Variants in TTR observed in about 807,000 individuals in gnomAD.
TTR encodes epididymis luminal protein 111.
A neutral mutation model predicts 13.7 loss-of-function variants in TTR; 8 were observed. That is an observed-to-expected ratio of 0.58 (90% CI 0.34 to 1.05). TTR has a LOEUF of 1.05. TTR is among the 50% of genes least tolerant of loss of function. TTR has a pLI of 0.02. For synonymous variants in TTR, 75 were observed against 71.7 expected, an observed-to-expected ratio of 1.05 and a Z score of -0.23; for missense variants, 135 against 185.5, an observed-to-expected ratio of 0.73 and a Z score of 1.58.
In TTR at chr18:31,598,806, A is replaced by G. The variant is rs1249661142; in HGVS notation, c.*131A>G. ...GAAGTCCAGGCAGAGACAATAAAAC[A>G]TTCCTGTGAAAGGCACTTTTCATTC... is the stretch of plus-strand genomic sequence containing the variant. On this transcript the variant is annotated 3_prime_UTR_variant, in exon 4 of 4. Coordinates refer to ENST00000237014, the MANE Select transcript of TTR (RefSeq NM_000371.4). 9 of 959,788 alleles carry G rather than the reference A, an allele frequency of 9.4e-6. No individual in the cohort carries two copies. The highest frequency in any genetic ancestry group is 1.5e-5 in the Non-Finnish European group (9 of 619,880). 59.5% of individuals were successfully genotyped at this position (959,788 alleles called of 1,614,324 possible). A position where few individuals can be genotyped will look rare whatever the true frequency, so the allele number is the denominator to read the frequency against.
intron 3 of TTR, 56 bp downstream of exon 3, chr18:31,595,311 C>T: frequency 6.2e-7 from 1 of 1,608,714 alleles, no homozygotes; most frequent in Middle Eastern, 1.7e-4. Flanking sequence ...TTTTGGCATT[C>T]CAGGAAATGC....
chr18:31,596,007 T>C lies in TTR; in HGVS notation c.336+752T>C, dbSNP rs78118372. 209 of 157,026 alleles carry C rather than the reference T, an allele frequency of 1.3e-3. 2 individuals carry two copies. The East Asian group carries it at 0.038, about 29-fold the overall frequency. 9.7% of individuals were successfully genotyped at this position (157,026 alleles called of 1,614,324 possible). The stretch of plus-strand genomic sequence containing the variant: ...CCTCGCATTATGCCCCAGGAAACTT[T>C]TTCCCTTGTGAAAGCCAAGCTTAAA... On this transcript the variant is annotated intron_variant, in intron 3 of 3. Coordinates refer to ENST00000237014, the MANE Select transcript of TTR (RefSeq NM_000371.4).
At chr18:31,595,051 G>C in intron 2 of TTR, 69 bp from the exon 3 acceptor site, 1 of 1,531,696 alleles carries the variant, frequency 6.5e-7, no homozygotes, top group Non-Finnish European at 9.0e-7. Flanking sequence ...AGTTGGTGGG[G>C]GTGTATTACT....
In TTR at chr18:31,595,234, C is replaced by A. The variant is rs11541787; in HGVS notation, c.315C>A (p.Ser105=). 5.0e-6 allele frequency: 8 copies of A among 1,614,006 alleles called. No individual in the cohort carries two copies. The Admixed American group carries it at 1.3e-4, about 27-fold the overall frequency. Residue 105 remains serine, a synonymous_variant, in exon 3 of 4, where the codon TCC becomes TCA. Transcript: ENST00000237014. The stretch of plus-strand genomic sequence containing the variant: ...CTTACTGGAAGGCACTTGGCATCTC[C>A]CCATTCCATGAGCATGCAGAGGTGA... ...TKSYWKALGI[S]PFHEHAEVVF... is the part of the protein sequence containing the mutation.
intron 3 of TTR, among the ~76,000 whole-genome samples, chr18:31,596,864 T>C (rs911720600): frequency 2.6e-5 from 4 of 151,994 alleles, no homozygotes; most frequent in Non-Finnish European, 4.4e-5. Context: ...GAGAGATGAG[T>C]CCCAATGCCT....
intron 2 of TTR, among the ~76,000 whole-genome samples, chr18:31,594,201 G>T (rs887940247): frequency 6.6e-6 from 1 of 152,020 alleles, no homozygotes. Flanking sequence ...AGTCAGTAAA[G>T]ACAACTGCTA....
rs730881171 is a variant in TTR, at chr18:31,595,215, G to A, written c.296G>A (p.Trp99Ter). 1 of 1,614,174 alleles carries A rather than the reference G, an allele frequency of 6.2e-7. No individual in the cohort carries two copies. The highest frequency in any genetic ancestry group is 8.5e-7 in the Non-Finnish European group (1 of 1,180,024). The change falls in exon 3 of 4, where the codon TGG becomes TAG. Residue 99 changes from tryptophan to a stop codon, truncating the protein, a stop_gained. Coordinates refer to ENST00000237014, the MANE Select transcript of TTR (RefSeq NM_000371.4). LOFTEE classifies it high-confidence loss of function. ...YKVEIDTKSYWKALGISPFHE... is the reference protein window; with the variant it reads ...YKVEIDTKSY ...GTGGAAATAGACACCAAATCTTACTGGAAGGCACTTGGCATCTCCCCATTC... is the reference window on the plus strand; with the variant it reads ...GTGGAAATAGACACCAAATCTTACTAGAAGGCACTTGGCATCTCCCCATTC...
rs11081703 is a variant in TTR at position 31,592,973 on chromosome 18, C to A, written c.147C>A (p.Ala49=). The part of the protein sequence containing the change: ...AVRGSPAINV[A]VHVFRKAADD... Reference sequence around the variant, plus strand: ...GAGGCAGTCCTGCCATCAATGTGGCCGTGCATGTGTTCAGAAAGGCTGCTG... The same window carrying A: ...GAGGCAGTCCTGCCATCAATGTGGCAGTGCATGTGTTCAGAAAGGCTGCTG... Residue 49 remains alanine (A), a synonymous_variant, in exon 2 of 4, where the codon GCC becomes GCA. Coordinates refer to ENST00000237014, the MANE Select transcript of TTR (RefSeq NM_000371.4). The A allele has an allele frequency of 6.2e-6, 10 of 1,614,070 alleles. No individual in the cohort carries two copies. The East Asian group carries it at 2.2e-4, about 36-fold the overall frequency.
At chr18:31,598,358 C>A (rs2073526902) in intron 3 of TTR, 1 of 682,736 alleles carries the variant, frequency 1.5e-6, no homozygotes, top group South Asian at 1.5e-5. Flanking sequence ...CAAGACCTGA[C>A]TCTGTACTCC....
rs1390490497 is a variant in TTR at position 31,591,953 on chromosome 18, G to A, written c.51G>A (p.Val17=). The A allele has an allele frequency of 1.9e-6, 3 of 1,614,004 alleles. No individual in the cohort carries two copies. Among genetic ancestry groups the A allele is most frequent in the Non-Finnish European group, 2.5e-6 (3 of 1,180,032 alleles). ...LLLCLAGLVF[V]SEAGPTGTGE... is the part of the protein sequence containing the mutation. ...TCTGCCTTGCTGGACTGGTATTTGT[G>A]TCTGAGGCTGGCCCTACGGTGAGTG... The change falls in exon 1 of 4, where the codon GTG becomes GTA. Residue 17 remains valine (V), a synonymous_variant. Transcript: ENST00000237014.
rs762331112 is a variant in TTR, at chr18:31,592,855, A to G, written c.70-41A>G. ...ACAAAGAATAAATCCTTTCACTCTGATCAATTTTGTTAACTTCTCACGTGT... is the reference window on the plus strand; with the variant it reads ...ACAAAGAATAAATCCTTTCACTCTGGTCAATTTTGTTAACTTCTCACGTGT... On this transcript the variant is annotated intron_variant, in intron 1 of 3. Transcript: ENST00000237014. 3.1e-6 allele frequency: 5 copies of G among 1,611,954 alleles called. No homozygotes were observed. The South Asian group carries it at 5.5e-5, about 18-fold the overall frequency.
At chr18:31,597,806 G>A (rs1278026082) in intron 3 of TTR, among the ~76,000 whole-genome samples, 1 of 152,138 alleles carries the variant, frequency 6.6e-6, no homozygotes, top group Non-Finnish European at 1.5e-5. Context: ...TGACAGAACT[G>A]TGTGACTATC....
intron 2 of TTR, 76 bp downstream of exon 2, chr18:31,593,102 C>T: frequency 1.9e-6 from 3 of 1,595,866 alleles, no homozygotes; most frequent in African/African-American, 1.3e-5. Flanking sequence ...GAGAGAGGCT[C>T]ACATCATCTG....
chr18:31,592,016 C>A, intron 1 of TTR, 45 bp downstream of exon 1: 1 of 1,599,492 alleles, frequency 6.3e-7, no homozygotes, highest in South Asian at 1.1e-5. Context: ...AAGATTCACG[C>A]TAAATGAAGT....
At chr18:31,595,027 T>C in intron 2 of TTR, 93 bp from the exon 3 acceptor site, 1 of 1,331,006 alleles carries the variant, frequency 7.5e-7, no homozygotes, top group South Asian at 1.2e-5. Flanking sequence ...GTTTATAACA[T>C]GTTTATGTGT....
chr18:31,595,142 C>G lies in TTR; in HGVS notation c.223C>G (p.Leu75Val). The change falls in exon 3 of 4, where the codon CTG becomes GTG. Residue 75 changes from leucine to valine, a missense_variant. Transcript: ENST00000237014. ...TAGGAAAACCAGTGAGTCTGGAGAG[C>G]TGCATGGGCTCACAACTGAGGAGGA... ...ASGKTSESGE[L>V]HGLTTEEEFV... is the part of the protein sequence containing the mutation. 2 of 1,614,142 alleles carry G rather than the reference C, an allele frequency of 1.2e-6. No individual in the cohort carries two copies. The highest frequency in any genetic ancestry group is 1.7e-6 in the Non-Finnish European group (2 of 1,180,018).
intron 3 of TTR, among the ~76,000 whole-genome samples, chr18:31,598,300 C>T (rs1170267497): frequency 6.6e-6 from 1 of 152,096 alleles, no homozygotes; most frequent in Non-Finnish European, 1.5e-5. Context: ...CTGGGATTTC[C>T]CTTAGTCAAG....
At chr18:31,593,789 A>C (rs2073500052) in intron 2 of TTR, among the ~76,000 whole-genome samples, 1 of 152,308 alleles carries the variant, frequency 6.6e-6, no homozygotes, top group African/African-American at 2.4e-5. Context: ...ACTAGCAAAA[A>C]CTTCAAGGAA....
chr18:31,595,070 C>T lies in TTR; in HGVS notation c.201-50C>T, dbSNP rs199852729. Reference sequence around the variant, plus strand: ...GGTGGGGGTGTATTACTTTGCCATGCCATTTGTTTCCTCCATGCGTAACTT... The same window carrying T: ...GGTGGGGGTGTATTACTTTGCCATGTCATTTGTTTCCTCCATGCGTAACTT... On this transcript the variant is annotated intron_variant, in intron 2 of 3. Coordinates refer to ENST00000237014, the MANE Select transcript of TTR (RefSeq NM_000371.4). The T allele has an allele frequency of 2.4e-5, 38 of 1,609,256 alleles. No individual in the cohort carries two copies. The East Asian group carries it at 6.9e-4, about 29-fold the overall frequency.
Sources: allele counts gnomAD v4.1 joint callset (sites outside exome capture counted in the v4.1 genomes callset), GRCh38; gene constraint gnomAD v4.1.1; transcripts MANE v1.5; gene names NCBI Gene and HGNC (gene_info 2026-07-23, HGNC 2026-07-21).